CRYBB2: variants seen among roughly 807,000 people sequenced by gnomAD.
CRYBB2 encodes the protein crystallin beta B2, also known as beta-crystallin B2.
In CRYBB2, 12 loss-of-function variants were observed where a neutral mutation model predicts 24.3. That is an observed-to-expected ratio of 0.49 (90% CI 0.32 to 0.80). CRYBB2 has a LOEUF of 0.80. CRYBB2 is among the 30% of genes least tolerant of loss of function. CRYBB2 has a pLI of 0.04. For missense variants in CRYBB2, 198 were observed against 268.5 expected (o/e 0.74, Z 1.83); for synonymous variants, 98 against 101.6 (o/e 0.96, Z 0.21).
intron 2 of CRYBB2, among the ~76,000 whole-genome samples, chr22:25,223,828 T>C (rs1935363512): frequency 6.6e-6 from 1 of 152,018 alleles, no homozygotes; most frequent in South Asian, 2.1e-4. Flanking sequence ...GCCTCCAAAA[T>C]TCTCACTGGA....
At chr22:25,225,560 G>A (rs150886048) in intron 3 of CRYBB2, among the ~76,000 whole-genome samples, 4 of 152,192 alleles carry the variant, frequency 2.6e-5, no homozygotes, top group African/African-American at 7.2e-5. Context: ...CTATCCAAGA[G>A]AGAAGGGGAG....
chr22:25,227,766 T>C lies in CRYBB2; in HGVS notation c.174-87T>C, dbSNP rs1601422132. 4.4e-6 allele frequency: 7 copies of C among 1,607,784 alleles called. No individual in the cohort carries two copies. The East Asian group carries it at 1.3e-4, about 31-fold the overall frequency. ...TGCCGGGCTGGGCAAGAGTGAACCC[T>C]AGGGGTCAACATCAGTAGCCAGGAT... On this transcript the variant is annotated intron_variant, in intron 3 of 5. Coordinates refer to ENST00000398215, the MANE Select transcript of CRYBB2 (RefSeq NM_000496.3).
chr22:25,218,806 GAAAGAAAGAAAGAA>G (rs1935260796), upstream of CRYBB2, among the ~76,000 whole-genome samples: 2 of 116,768 alleles, frequency 1.7e-5, no homozygotes, highest in African/African-American at 3.6e-5. Context: ...AAGAAAGAAA[GAAAGAAAGAAAGAA>G]AGAAAGAAAG....
rs748038519 is a variant in CRYBB2, at chr22:25,225,008, G to T, written c.145G>T (p.Ala49Ser). 1 of 1,610,936 alleles carries T rather than the reference G, an allele frequency of 6.2e-7. No homozygotes were observed. Among genetic ancestry groups the T allele is most frequent in the Non-Finnish European group, 8.5e-7 (1 of 1,177,028 alleles). ...PNLKETGVEK[A>S]GSVLVQAGPW... ...CCTGAAGGAAACTGGCGTGGAGAAG[G>T]CAGGTTCTGTCCTAGTGCAGGCTGG... The change falls in exon 3 of 6, where the codon GCA (alanine) becomes TCA (serine). Residue 49 changes from alanine (A) to serine (S), a missense_variant. Coordinates refer to ENST00000398215, the MANE Select transcript of CRYBB2 (RefSeq NM_000496.3).
intron 2 of CRYBB2, among the ~76,000 whole-genome samples, chr22:25,224,006 C>T (rs2146089206): frequency 6.6e-6 from 1 of 152,124 alleles, no homozygotes; most frequent in East Asian, 1.9e-4. Context: ...CGCCTGTAGT[C>T]CCAGCTACTC....
rs561098858 is a variant in CRYBB2 at position 25,229,807 on chromosome 22, G to A, written c.449+229G>A. ...GGGGAAATGGTATGCCTTTGGAGTG[G>A]AGAAACCTTGGCCTTAACCTCAGCC... On this transcript the variant is annotated intron_variant, in intron 5 of 5. Coordinates refer to ENST00000398215, the MANE Select transcript of CRYBB2 (RefSeq NM_000496.3). Among the ~76,000 whole-genome samples the A allele has an allele frequency of 7.9e-5, 12 of 152,138 alleles. No individual in the cohort carries two copies. The East Asian group carries it at 2.3e-3, about 29-fold the overall frequency.
intron 2 of CRYBB2, among the ~76,000 whole-genome samples, chr22:25,223,557 T>G (rs1490939993): frequency 6.6e-6 from 1 of 152,176 alleles, no homozygotes; most frequent in Non-Finnish European, 1.5e-5. Flanking sequence ...CTCCTGACCC[T>G]ATCTCTGGCC....
intron 2 of CRYBB2, among the ~76,000 whole-genome samples, chr22:25,224,364 T>G (rs910340108): frequency 2.6e-5 from 4 of 152,126 alleles, no homozygotes; most frequent in African/African-American, 9.7e-5. Flanking sequence ...CAGTTTCAGC[T>G]CTGCCACTTA....
intron 4 of CRYBB2, among the ~76,000 whole-genome samples, chr22:25,228,771 G>A (rs1935469217): frequency 6.6e-6 from 1 of 152,210 alleles, no homozygotes; most frequent in South Asian, 2.1e-4. Flanking sequence ...TATGTCTGAG[G>A]GATAAGGGTT....
chr22:25,222,648 G>A (rs111755447), intron 2 of CRYBB2, among the ~76,000 whole-genome samples: 4,737 of 152,296 alleles, frequency 0.031, 106 homozygotes, highest in Middle Eastern at 0.071. Context: ...CAAAGACTCC[G>A]AGGTGGGAAT....
At chr22:25,226,933 C>G (rs887117288) in intron 3 of CRYBB2, among the ~76,000 whole-genome samples, 2 of 152,160 alleles carry the variant, frequency 1.3e-5, no homozygotes, top group African/African-American at 4.8e-5. Flanking sequence ...CTCGGCCTCC[C>G]AAAGTGCTGG....
At chr22:25,229,037 T>G (rs1457011913) in intron 4 of CRYBB2, among the ~76,000 whole-genome samples, 2 of 140,480 alleles carry the variant, frequency 1.4e-5, no homozygotes, top group South Asian at 2.2e-4. Flanking sequence ...TGTGCGTGCG[T>G]GTGTGCAAGT....
rs1198338102 is a variant in CRYBB2, at chr22:25,227,911, G to A, written c.232G>A (p.Glu78Lys). Residue 78 changes from glutamate (E) to lysine (K), a missense_variant, in exon 4 of 6, where the codon GAG becomes AAG. By Grantham distance (56) the Glu-to-Lys change is moderately conservative (BLOSUM62 1). Transcript: ENST00000398215. ...CGAGCAGTTTGTGTTTGAGAAGGGT[G>A]AGTACCCCCGCTGGGACTCATGGAC... ...KGEQFVFEKG[E>K]YPRWDSWTSS... The A allele has an allele frequency of 6.2e-7, 1 of 1,614,162 alleles. No homozygotes were observed.
intron 3 of CRYBB2, 66 bp from the exon 4 acceptor site, chr22:25,227,787 A>G (rs1009281211): frequency 6.2e-7 from 1 of 1,612,078 alleles, no homozygotes; most frequent in African/African-American, 1.3e-5. Context: ...ATCAGTAGCC[A>G]GGATTCTGCC....
upstream of CRYBB2, among the ~76,000 whole-genome samples, chr22:25,215,274 C>T (rs1054020808): frequency 6.6e-6 from 1 of 152,222 alleles, no homozygotes; most frequent in East Asian, 1.9e-4. Context: ...CACTTAAAGG[C>T]GTTCTTAAAC....
chr22:25,212,383 C>T (rs1173350216), upstream of CRYBB2, among the ~76,000 whole-genome samples: 2 of 152,194 alleles, frequency 1.3e-5, no homozygotes, highest in Non-Finnish European at 2.9e-5. Flanking sequence ...GGCCAGGACC[C>T]AGACAGTGAA....
At chr22:25,226,253 C>T (rs1267325554) in intron 3 of CRYBB2, among the ~76,000 whole-genome samples, 1 of 151,726 alleles carries the variant, frequency 6.6e-6, no homozygotes, top group Non-Finnish European at 1.5e-5. Flanking sequence ...TGTTTTATTA[C>T]TCACTTTGGA....
upstream of CRYBB2, among the ~76,000 whole-genome samples, chr22:25,217,820 G>T (rs9620497): frequency 0.11 from 16,630 of 152,210 alleles, 1,027 homozygotes; most frequent in South Asian, 0.18. Context: ...GGGCATGTGT[G>T]TGTAGTGTGT....
chr22:25,223,218 G>A (rs1244989290), intron 2 of CRYBB2, among the ~76,000 whole-genome samples: 1 of 152,182 alleles, frequency 6.6e-6, no homozygotes, highest in Non-Finnish European at 1.5e-5. Flanking sequence ...AGTGTTGTGT[G>A]CACAGGTTAG....
Sources: gnomAD v4.1 joint callset for allele counts (sites outside exome capture counted in the v4.1 genomes callset) on GRCh38, gnomAD v4.1.1 for gene constraint, MANE v1.5 for transcripts, NCBI Gene and HGNC (gene_info 2026-07-23, HGNC 2026-07-21) for gene names.